The following GTF2IRD1 variants were observed in gnomAD, a reference collection of about 807,000 sequenced individuals.
The protein encoded by GTF2IRD1 is GTF2I repeat domain containing 1, also known as general transcription factor II-I repeat domain-containing protein 1.
A neutral mutation model predicts 113.2 loss-of-function variants in GTF2IRD1; 26 were observed. The observed-to-expected ratio is 0.23, with a 90% CI of 0.17 to 0.32. GTF2IRD1 has a LOEUF of 0.32. Among genes scored for constraint, GTF2IRD1 ranks in the 10% least tolerant of loss-of-function variants. The pLI is 1.00. For missense variants in GTF2IRD1, 864 were observed against 1,280.8 expected, an observed-to-expected ratio of 0.67 and a Z score of 4.97; for synonymous variants, 484 against 529.1, an observed-to-expected ratio of 0.91 and a Z score of 1.17.
chr7:74,476,479 CT>C (rs1794418494), intron 1 of GTF2IRD1, among the ~76,000 whole-genome samples: 1 of 151,656 alleles, frequency 6.6e-6, no homozygotes, highest in South Asian at 2.1e-4. Flanking sequence ...ATTCTCCTGC[CT>C]CAGCCTCCCA....
At chr7:74,547,460 T>TTG (rs1799013211) in intron 17 of GTF2IRD1, among the ~76,000 whole-genome samples, 174 bp downstream of exon 17, 1 of 149,166 alleles carries the variant, frequency 6.7e-6, no homozygotes, top group African/African-American at 2.5e-5. Context: ...TTTTTTTTTT[T>TTG]GAGACAGAGT....
intron 22 of GTF2IRD1, among the ~76,000 whole-genome samples, chr7:74,576,547 A>G (rs1310555337): frequency 2.2e-5 from 3 of 139,294 alleles, no homozygotes; most frequent in African/African-American, 8.6e-5. Context: ...GGCTACAAGA[A>G]AAAAAAAAAA....
At chr7:74,455,006 G>T (rs1057169330) in intron 1 of GTF2IRD1, among the ~76,000 whole-genome samples, 1 of 152,252 alleles carries the variant, frequency 6.6e-6, no homozygotes, top group East Asian at 1.9e-4. Context: ...CTCGCCTGGC[G>T]TGGGCCCAGG....
chr7:74,505,164 C>T (rs1554340664), intron 1 of GTF2IRD1, among the ~76,000 whole-genome samples: 1 of 152,170 alleles, frequency 6.6e-6, no homozygotes, highest in Non-Finnish European at 1.5e-5. Context: ...GGACTATAAG[C>T]ATGAACCACC....
At chr7:74,535,771 C>G (rs1232091959) in intron 10 of GTF2IRD1, among the ~76,000 whole-genome samples, 4 of 152,226 alleles carry the variant, frequency 2.6e-5, no homozygotes, top group African/African-American at 9.6e-5. Context: ...GATAAGGGCG[C>G]CTTCCTCTGG....
intron 20 of GTF2IRD1, 27 bp from the exon 21 acceptor site, chr7:74,558,834 G>T (rs587729764): frequency 5.0e-6 from 8 of 1,594,504 alleles, no homozygotes; most frequent in South Asian, 2.2e-5. Context: ...CACTCCTGAC[G>T]GGCAGGACCC....
At chr7:74,500,763 G>T (rs527976823) in intron 1 of GTF2IRD1, among the ~76,000 whole-genome samples, 1 of 152,030 alleles carries the variant, frequency 6.6e-6, no homozygotes, top group Non-Finnish European at 1.5e-5. Context: ...TTGCTCTGTC[G>T]CCCAGGCTGG....
intron 2 of GTF2IRD1, among the ~76,000 whole-genome samples, chr7:74,510,708 A>AT (rs1267051253): frequency 1.3e-5 from 2 of 152,108 alleles, no homozygotes; most frequent in Admixed American, 1.3e-4. Context: ...GCTGGTGTCT[A>AT]TGGATTGGAC....
At chr7:74,567,867 C>G (rs1280450040) in intron 22 of GTF2IRD1, among the ~76,000 whole-genome samples, 3 of 152,062 alleles carry the variant, frequency 2.0e-5, no homozygotes, top group Admixed American at 6.6e-5. Flanking sequence ...CTCACTGCAA[C>G]CCCCGCCTCC....
At chr7:74,574,906 T>C (rs1033750138) in intron 22 of GTF2IRD1, among the ~76,000 whole-genome samples, 1 of 151,734 alleles carries the variant, frequency 6.6e-6, no homozygotes, top group Non-Finnish European at 1.5e-5. Flanking sequence ...CTGGCTAACA[T>C]GGTGAAACTC....
At chr7:74,601,424 G>T (rs886079089) in intron 26 of GTF2IRD1, 6 of 1,472,088 alleles carry the variant, frequency 4.1e-6, no homozygotes, top group Non-Finnish European at 5.4e-6. Flanking sequence ...GGGCAGATGG[G>T]CCGGCTGAGG....
In GTF2IRD1 at chr7:74,538,699, C is replaced by A. The variant is rs782247204; in HGVS notation, c.1467C>A (p.Gly489=). The change falls in exon 13 of 27, where the codon GGC becomes GGA. Residue 489 remains glycine (G), a synonymous_variant. Coordinates refer to ENST00000424337, the MANE Select transcript of GTF2IRD1 (RefSeq NM_005685.4). ...TTGCAGGAACCTCCGGGGAGCTGGG[C>A]GGGCTGAGGCCGATCAAAATTGAGC... is the stretch of plus-strand genomic sequence containing the variant. ...DCGPGTSGEL[G]GLRPIKIEPE... is the part of the protein sequence containing the mutation. The A allele has an allele frequency of 6.2e-7, 1 of 1,602,556 alleles. No individual in the cohort carries two copies. Among genetic ancestry groups the A allele is most frequent in the Non-Finnish European group, 8.6e-7 (1 of 1,169,454 alleles).
At chr7:74,549,997 G>A (rs1209739276) in intron 17 of GTF2IRD1, among the ~76,000 whole-genome samples, 5 of 150,152 alleles carry the variant, frequency 3.3e-5, no homozygotes, top group Admixed American at 2.0e-4. Flanking sequence ...AGATCACGCC[G>A]TTGCACTCCA....
chr7:74,482,569 G>A (rs1794804362), intron 1 of GTF2IRD1, among the ~76,000 whole-genome samples: 1 of 152,014 alleles, frequency 6.6e-6, no homozygotes, highest in Non-Finnish European at 1.5e-5. Flanking sequence ...TTTGTTGTAA[G>A]AGAAACACCT....
At chr7:74,504,880 G>A (rs1796224053) in intron 1 of GTF2IRD1, among the ~76,000 whole-genome samples, 1 of 151,544 alleles carries the variant, frequency 6.6e-6, no homozygotes, top group African/African-American at 2.4e-5. Flanking sequence ...GCTAATTTTT[G>A]TATTTTTAGT....
At chr7:74,548,613 T>C in intron 17 of GTF2IRD1, among the ~76,000 whole-genome samples, 1 of 151,850 alleles carries the variant, frequency 6.6e-6, no homozygotes, top group East Asian at 1.9e-4. Flanking sequence ...CTATAATTTT[T>C]TTTTTTAAAC....
intron 1 of GTF2IRD1, among the ~76,000 whole-genome samples, chr7:74,472,750 C>G (rs1345257782): frequency 6.6e-6 from 1 of 152,182 alleles, no homozygotes; most frequent in Non-Finnish European, 1.5e-5. Flanking sequence ...GAAACTCTGC[C>G]TCAGTAAATA....
At chr7:74,490,185 C>T (rs911225001) in intron 1 of GTF2IRD1, among the ~76,000 whole-genome samples, 3 of 152,110 alleles carry the variant, frequency 2.0e-5, no homozygotes, top group Admixed American at 6.6e-5. Context: ...CCAGGCTGAT[C>T]TTGAACTCCT....
At position 74,508,154 on chromosome 7, in the gene GTF2IRD1, C is replaced by A. The variant is rs1469760051; in HGVS notation, c.74C>A (p.Thr25Asn). The change falls in exon 2 of 27, where the codon ACC becomes AAC. Residue 25 changes from threonine (T) to asparagine (N), a missense_variant. Coordinates refer to ENST00000424337, the MANE Select transcript of GTF2IRD1 (RefSeq NM_005685.4). ...CGPDRWNSAF[T>N]RKDEIITSLV... ...CCCGACCGCTGGAACTCCGCGTTCA[C>A]CCGCAAAGACGAGATCATCACCAGC... The A allele has an allele frequency of 1.9e-6, 3 of 1,612,718 alleles. No individual in the cohort carries two copies. Among genetic ancestry groups the A allele is most frequent in the Non-Finnish European group, 2.5e-6 (3 of 1,180,002 alleles).
Sources: allele counts gnomAD v4.1 joint callset (sites outside exome capture counted in the v4.1 genomes callset), GRCh38; gene constraint gnomAD v4.1.1; transcripts MANE v1.5; gene names NCBI Gene and HGNC (gene_info 2026-07-23, HGNC 2026-07-21).